The following RAD54B variants were observed in gnomAD, a reference collection of about 807,000 sequenced individuals.
The protein encoded by RAD54B is RAD54 homolog B.
A neutral mutation model predicts 95.8 loss-of-function variants in RAD54B; 78 were observed. That is an observed-to-expected ratio of 0.81 (90% confidence interval 0.68 to 0.98). The LOEUF is 0.98. RAD54B is among the 50% of genes least tolerant of loss of function. RAD54B has a pLI of 0.00. For synonymous variants in RAD54B, 328 were observed against 354.9 expected, an observed-to-expected ratio of 0.92 and a Z score of 0.85; for missense variants, 957 against 1,056.6, an observed-to-expected ratio of 0.91 and a Z score of 1.31.
At chr8:94,438,445 T>C (rs549846069) in intron 3 of RAD54B, among the ~76,000 whole-genome samples, 6 of 152,250 alleles carry the variant, frequency 3.9e-5, no homozygotes, top group East Asian at 1.9e-4. Flanking sequence ...TTCTTGTCCA[T>C]AGAGATGCAA....
chr8:94,436,842 A>G (rs1812277808), intron 3 of RAD54B: 1 of 1,540,284 alleles, frequency 6.5e-7, no homozygotes, highest in South Asian at 1.2e-5. Flanking sequence ...ATAAGGTAAA[A>G]TTGGAAGATC....
At chr8:94,430,631 T>C (rs756002203) in intron 3 of RAD54B, 29 of 613,650 alleles carry the variant, frequency 4.7e-5, no homozygotes, top group Non-Finnish European at 5.5e-5. Context: ...TGGAAAACCA[T>C]TGGTCTACTC....
intron 3 of RAD54B, among the ~76,000 whole-genome samples, chr8:94,433,937 T>C (rs1429429046): frequency 6.6e-6 from 1 of 151,794 alleles, no homozygotes; most frequent in African/African-American, 2.4e-5. Flanking sequence ...ACTAATGCCA[T>C]TAAATTGCCA....
chr8:94,454,070 C>T (rs1397408460), intron 3 of RAD54B, among the ~76,000 whole-genome samples: 2 of 152,072 alleles, frequency 1.3e-5, no homozygotes, highest in Admixed American at 6.6e-5. Flanking sequence ...GGATTACAGA[C>T]GTGAGCCACC....
intron 1 of RAD54B, among the ~76,000 whole-genome samples, chr8:94,474,690 CA>C (rs33911758): frequency 0.04 from 6,048 of 152,238 alleles, 135 homozygotes; most frequent in Non-Finnish European, 0.049. Context: ...ACCCAAAAGC[CA>C]AGAGGAGCCT....
rs1238074997 is a variant in RAD54B, at chr8:94,386,893, G to A, written c.1985+91C>T. 3.4e-6 allele frequency: 3 copies of A among 887,400 alleles called. No individual in the cohort carries two copies. In the African/African-American group the frequency reaches 5.2e-5, roughly 15 times the overall value. The allele number at this position is 887,400 out of a possible 1,614,324, so 55.0% of individuals were successfully genotyped here. On this transcript the variant is annotated intron_variant, in intron 11 of 14. Coordinates refer to ENST00000336148, the MANE Select transcript of RAD54B (RefSeq NM_012415.3). ...AAGAAGAAAATAACTTATTTTTAAT[G>A]TTTTCTTATTTTAAAAGGGAAGTAG...
intron 3 of RAD54B, chr8:94,430,380 C>T (rs951498104): frequency 2.1e-5 from 21 of 984,964 alleles, no homozygotes; most frequent in South Asian, 9.4e-5. Context: ...ATTTATATCC[C>T]TCAGTTCACT....
At chr8:94,465,662 A>C (rs1402217687) in intron 2 of RAD54B, among the ~76,000 whole-genome samples, 3 of 152,214 alleles carry the variant, frequency 2.0e-5, no homozygotes, top group Non-Finnish European at 4.4e-5. Context: ...TTCTAGTTAT[A>C]ATCCAAAAGA....
chr8:94,423,933 T>A (rs1490382933), intron 3 of RAD54B, among the ~76,000 whole-genome samples: 2 of 152,142 alleles, frequency 1.3e-5, no homozygotes, highest in Non-Finnish European at 2.9e-5. Context: ...ATACTTCCCC[T>A]TTTACCCTAA....
At chr8:94,420,473 T>C (rs958156007) in intron 3 of RAD54B, among the ~76,000 whole-genome samples, 1 of 151,778 alleles carries the variant, frequency 6.6e-6, no homozygotes, top group Non-Finnish European at 1.5e-5. Context: ...TTGCCCAGGC[T>C]GGTGTCGAAC....
chr8:94,459,136 GT>G (rs370770258), intron 2 of RAD54B, among the ~76,000 whole-genome samples: 1 of 151,722 alleles, frequency 6.6e-6, no homozygotes. Context: ...ACTATGTTGG[GT>G]TTTTTTAACA....
At chr8:94,387,712 TACA>T (rs1236515173) in intron 10 of RAD54B, among the ~76,000 whole-genome samples, 3 of 152,224 alleles carry the variant, frequency 2.0e-5, no homozygotes, top group Non-Finnish European at 1.5e-5. Flanking sequence ...TATTCTTACT[TACA>T]ACAATACTTT....
intron 11 of RAD54B, among the ~76,000 whole-genome samples, chr8:94,381,970 C>T (rs1260044215): frequency 6.6e-6 from 1 of 151,928 alleles, no homozygotes; most frequent in African/African-American, 2.4e-5. Context: ...AAAAATTAGT[C>T]GGGCATGGTG....
intron 10 of RAD54B, among the ~76,000 whole-genome samples, chr8:94,390,461 T>C (rs1311523751): frequency 6.6e-6 from 1 of 150,674 alleles, no homozygotes; most frequent in Non-Finnish European, 1.5e-5. Flanking sequence ...GATCATGCCA[T>C]TGCACTCCAG....
At chr8:94,396,298 C>G (rs1157721615) in intron 8 of RAD54B, among the ~76,000 whole-genome samples, 2 of 150,578 alleles carry the variant, frequency 1.3e-5, no homozygotes, top group Non-Finnish European at 3.0e-5. Context: ...AGTTGGTGTA[C>G]TTACTAAGAC....
At chr8:94,408,489 C>A (rs1415775078) in intron 4 of RAD54B, among the ~76,000 whole-genome samples, 1 of 152,076 alleles carries the variant, frequency 6.6e-6, no homozygotes, top group Non-Finnish European at 1.5e-5. Context: ...ATACCAGAAA[C>A]TTTTAAGTCT....
chr8:94,411,363 TA>T (rs1244994808), intron 3 of RAD54B, 48 bp from the exon 4 acceptor site: 1 of 1,445,942 alleles, frequency 6.9e-7, no homozygotes, highest in Admixed American at 2.6e-5. Flanking sequence ...CTTTAATGTC[TA>T]AGTAGTAAGG....
chr8:94,382,756 C>T (rs1486088784), intron 11 of RAD54B, among the ~76,000 whole-genome samples: 1 of 152,102 alleles, frequency 6.6e-6, no homozygotes, highest in Non-Finnish European at 1.5e-5. Flanking sequence ...GGAGTGAGTT[C>T]TCACGAGATC....
At chr8:94,410,181 A>T (rs1447110520) in intron 4 of RAD54B, among the ~76,000 whole-genome samples, 1 of 152,078 alleles carries the variant, frequency 6.6e-6, no homozygotes, top group Non-Finnish European at 1.5e-5. Flanking sequence ...TAACCTCCAA[A>T]ACTATTCATC....
Sources: gnomAD v4.1 joint callset for allele counts (sites outside exome capture counted in the v4.1 genomes callset) on GRCh38, gnomAD v4.1.1 for gene constraint, MANE v1.5 for transcripts, NCBI Gene and HGNC (gene_info 2026-07-23, HGNC 2026-07-21) for gene names.